PDE4D: variants seen among roughly 807,000 people sequenced by gnomAD.
PDE4D encodes the protein phosphodiesterase 4D.
PDE4D carries 24 observed loss-of-function variants against 87.4 expected under a neutral mutation model. That is an observed-to-expected ratio of 0.27 (90% CI 0.20 to 0.39). PDE4D has a LOEUF of 0.39. PDE4D is among the 10% of genes least tolerant of loss of function. The pLI is 1.00. For synonymous variants in PDE4D, 384 were observed against 383.2 expected, an observed-to-expected ratio of 1.00 and a Z score of -0.02; for missense variants, 714 against 1,041.0, an observed-to-expected ratio of 0.69 and a Z score of 4.32.
intron 5 of PDE4D, among the ~76,000 whole-genome samples, chr5:59,133,834 T>C (rs946552775): frequency 2.6e-5 from 4 of 152,152 alleles, no homozygotes; most frequent in African/African-American, 7.2e-5. Context: ...CCAGGGACTC[T>C]GGGAGGGCCA....
intron 1 of PDE4D, among the ~76,000 whole-genome samples, chr5:59,527,384 A>AT (rs1248016158): frequency 6.6e-6 from 1 of 152,208 alleles, no homozygotes; most frequent in African/African-American, 2.4e-5. Context: ...CAAAGTATTC[A>AT]TTTTAAAATA....
intron 5 of PDE4D, among the ~76,000 whole-genome samples, chr5:59,174,967 A>C (rs2153475058): frequency 6.6e-6 from 1 of 152,372 alleles, no homozygotes; most frequent in South Asian, 2.1e-4. Flanking sequence ...GGAAATATGG[A>C]AATTCAGAAG....
intron 1 of PDE4D, among the ~76,000 whole-genome samples, chr5:59,557,938 T>C (rs951002890): frequency 5.3e-5 from 8 of 152,300 alleles, no homozygotes; most frequent in Non-Finnish European, 1.2e-4. Context: ...CTAGAGACAT[T>C]AAAATCACAC....
chr5:59,865,902 C>G (rs540462768), intron 1 of PDE4D, among the ~76,000 whole-genome samples: 2 of 152,320 alleles, frequency 1.3e-5, no homozygotes, highest in East Asian at 1.9e-4. Context: ...TGCAAACAAT[C>G]CAACCTAAGT....
chr5:59,863,157 A>C (rs1746524391), intron 1 of PDE4D, among the ~76,000 whole-genome samples: 2 of 152,108 alleles, frequency 1.3e-5, no homozygotes, highest in Admixed American at 1.3e-4. Flanking sequence ...TACTTCCTTA[A>C]TTTTTTAACT....
chr5:59,724,908 C>T (rs1283127094), intron 1 of PDE4D, among the ~76,000 whole-genome samples: 1 of 152,090 alleles, frequency 6.6e-6, no homozygotes, highest in Non-Finnish European at 1.5e-5. Context: ...ATTTTAAAAC[C>T]TAAGTCAAAC....
At chr5:60,085,488 G>A (rs1198451874) in intron 2 of PDE4D, among the ~76,000 whole-genome samples, 1 of 152,052 alleles carries the variant, frequency 6.6e-6, no homozygotes, top group Non-Finnish European at 1.5e-5. Context: ...TTTAATCCAA[G>A]CAAATAGCCA....
intron 1 of PDE4D, among the ~76,000 whole-genome samples, chr5:59,471,557 AC>A (rs2153651970): frequency 6.6e-6 from 1 of 152,370 alleles, no homozygotes; most frequent in East Asian, 1.9e-4. Context: ...ACAAAGCAGC[AC>A]AAATAGCTTT....
intron 1 of PDE4D, chr5:60,430,955 C>A (rs1460754907): frequency 1.0e-5 from 3 of 287,690 alleles, no homozygotes; most frequent in African/African-American, 7.0e-5. Context: ...TCTACACAGA[C>A]ACAGCAACCA....
intron 5 of PDE4D, among the ~76,000 whole-genome samples, chr5:59,147,648 A>T (rs906133879): frequency 6.6e-5 from 10 of 152,214 alleles, no homozygotes; most frequent in African/African-American, 2.4e-4. Context: ...CACTTTAATT[A>T]AATGGCATTT....
At chr5:59,092,048 C>A (rs2153428996) in intron 5 of PDE4D, among the ~76,000 whole-genome samples, 1 of 152,262 alleles carries the variant, frequency 6.6e-6, no homozygotes, top group Non-Finnish European at 1.5e-5. Context: ...TCTGGTTTAA[C>A]TGAAATTGAC....
chr5:60,102,193 C>T (rs192490999), intron 2 of PDE4D, among the ~76,000 whole-genome samples: 4 of 152,192 alleles, frequency 2.6e-5, no homozygotes, highest in East Asian at 3.9e-4. Flanking sequence ...CACTGGGACT[C>T]TTAATATATA....
chr5:59,726,433 C>G (rs1328095624), intron 1 of PDE4D, among the ~76,000 whole-genome samples: 1 of 151,854 alleles, frequency 6.6e-6, no homozygotes, highest in Non-Finnish European at 1.5e-5. Context: ...GAGGGTGGGG[C>G]CTGCAATGAT....
At chr5:60,207,168 G>T (rs1039772298) in intron 1 of PDE4D, among the ~76,000 whole-genome samples, 2 of 152,140 alleles carry the variant, frequency 1.3e-5, no homozygotes, top group South Asian at 4.1e-4. Context: ...CTAGTAAACG[G>T]GTGCCTAACG....
chr5:60,240,088 T>C (rs990139652), intron 1 of PDE4D, among the ~76,000 whole-genome samples: 3 of 152,110 alleles, frequency 2.0e-5, no homozygotes, highest in African/African-American at 7.2e-5. Flanking sequence ...TTTATTAGTC[T>C]TTTCAGGGCT....
intron 1 of PDE4D, among the ~76,000 whole-genome samples, chr5:59,672,910 A>C (rs1418292161): frequency 6.6e-6 from 1 of 152,194 alleles, no homozygotes. Flanking sequence ...TCACAAATGT[A>C]TTGTGTTTTG....
chr5:60,363,343 A>G (rs1201062507), intron 1 of PDE4D, among the ~76,000 whole-genome samples: 2 of 152,142 alleles, frequency 1.3e-5, no homozygotes, highest in African/African-American at 4.8e-5. Context: ...ATCTTTTACT[A>G]TTTCCTCACT....
intron 2 of PDE4D, chr5:60,021,778 G>A (rs1462705552): frequency 6.6e-6 from 1 of 152,212 alleles, no homozygotes; most frequent in Non-Finnish European, 1.5e-5. Flanking sequence ...GAAAGCAGGA[G>A]CAGACCCTGT....
At chr5:60,154,027 TAAAA>T (rs147431808) in intron 2 of PDE4D, among the ~76,000 whole-genome samples, 34 of 151,280 alleles carry the variant, frequency 2.2e-4, no homozygotes, top group African/African-American at 8.3e-4. Context: ...CTTACCATAA[TAAAA>T]AAACAAGCAA....
Sources: gnomAD v4.1 joint callset for allele counts (sites outside exome capture counted in the v4.1 genomes callset) on GRCh38, gnomAD v4.1.1 for gene constraint, MANE v1.5 for transcripts, NCBI Gene and HGNC (gene_info 2026-07-23, HGNC 2026-07-21) for gene names.